The following PTPRR variants were observed in gnomAD, a reference collection of about 807,000 sequenced individuals.
PTPRR encodes protein tyrosine phosphatase receptor type R, also known as receptor-type tyrosine-protein phosphatase R.
Under a neutral mutation model 77.2 loss-of-function variants are expected in PTPRR, and 38 were observed. The ratio of observed to expected loss-of-function variants is 0.49; its 90% CI spans 0.38 to 0.65. PTPRR has a LOEUF of 0.65. Among genes scored for constraint, PTPRR ranks in the 30% least tolerant of loss-of-function variants. The probability of loss-of-function intolerance (pLI) is 0.00; values close to 1 mark genes in which losing one functional copy is unlikely to be tolerated. For synonymous variants in PTPRR, 299 were observed against 283.1 expected (o/e 1.06, Z -0.57); for missense variants, 744 against 799.2 (o/e 0.93, Z 0.83).
chr12:70,690,476 A>T (rs1888017695), intron 8 of PTPRR, among the ~76,000 whole-genome samples: 1 of 152,180 alleles, frequency 6.6e-6, no homozygotes, highest in South Asian at 2.1e-4. Context: ...CGTTTTAGCA[A>T]CATAACAAAA....
intron 2 of PTPRR, among the ~76,000 whole-genome samples, chr12:70,813,451 A>G (rs1314919205): frequency 6.6e-6 from 1 of 152,198 alleles, no homozygotes; most frequent in Admixed American, 6.5e-5. Flanking sequence ...TCATATATTC[A>G]TCTCCTTTGA....
rs572849741 is a variant in PTPRR at position 70,651,181 on chromosome 12, G to A, written c.1880+5523C>T. On this transcript the variant is annotated intron_variant, in intron 13 of 13. Coordinates refer to ENST00000283228, the MANE Select transcript of PTPRR (RefSeq NM_002849.4). ...ACCTCGCCATGGCGTGTCCAGCATC[G>A]GAAGCCCTCTTCAATTTCCCTTCAC... Among the ~76,000 whole-genome samples the A allele has an allele frequency of 1.5e-4, 23 of 152,214 alleles. No individual in the cohort carries two copies. The South Asian group carries it at 3.7e-3, about 25-fold the overall frequency.
intron 2 of PTPRR, among the ~76,000 whole-genome samples, chr12:70,866,768 A>T (rs1308337887): frequency 6.6e-6 from 1 of 152,208 alleles, no homozygotes; most frequent in African/African-American, 2.4e-5. Context: ...ATGAACATTG[A>T]TGCAAAAATC....
chr12:70,789,311 T>A (rs1891384558), intron 2 of PTPRR, among the ~76,000 whole-genome samples: 1 of 152,078 alleles, frequency 6.6e-6, no homozygotes, highest in South Asian at 2.1e-4. Context: ...AGTTTCATAA[T>A]AAACATAAAT....
At chr12:70,676,631 A>G (rs1887457333) in intron 10 of PTPRR, among the ~76,000 whole-genome samples, 2 of 152,090 alleles carry the variant, frequency 1.3e-5, no homozygotes, top group Non-Finnish European at 2.9e-5. Context: ...CAGTGCATGT[A>G]TATATGGGTT....
chr12:70,694,089 G>C (rs1888146295), intron 8 of PTPRR, among the ~76,000 whole-genome samples: 2 of 151,914 alleles, frequency 1.3e-5, no homozygotes, highest in Admixed American at 6.6e-5. Context: ...TTTTTGTTGG[G>C]GTAGGAAATC....
chr12:70,678,999 T>C (rs1032019330), intron 10 of PTPRR, among the ~76,000 whole-genome samples: 22 of 152,178 alleles, frequency 1.4e-4, no homozygotes, highest in African/African-American at 4.6e-4. Flanking sequence ...GTTTTTCTAG[T>C]TCCTTGAGGT....
intron 1 of PTPRR, among the ~76,000 whole-genome samples, chr12:70,918,121 A>C (rs1369631460): frequency 1.3e-5 from 2 of 152,204 alleles, no homozygotes; most frequent in Non-Finnish European, 2.9e-5. Context: ...AAATGTATAG[A>C]AGCTTAGACC....
At chr12:70,692,267 C>G (rs968519079) in intron 8 of PTPRR, among the ~76,000 whole-genome samples, 1 of 152,074 alleles carries the variant, frequency 6.6e-6, no homozygotes, top group Non-Finnish European at 1.5e-5. Flanking sequence ...TATTTATATA[C>G]TTATTGATAA....
chr12:70,863,277 A>C (rs963918108), intron 2 of PTPRR, among the ~76,000 whole-genome samples: 1 of 152,290 alleles, frequency 6.6e-6, no homozygotes, highest in Admixed American at 6.5e-5. Flanking sequence ...AAAATTAATT[A>C]TCTCCCTAAT....
intron 10 of PTPRR, among the ~76,000 whole-genome samples, chr12:70,674,289 T>C (rs1432945854): frequency 6.6e-6 from 1 of 152,138 alleles, no homozygotes; most frequent in East Asian, 1.9e-4. Flanking sequence ...CATTATTCCT[T>C]CCTTTTTTCT....
intron 6 of PTPRR, among the ~76,000 whole-genome samples, chr12:70,743,086 G>C (rs1385137243): frequency 6.6e-6 from 1 of 152,198 alleles, no homozygotes; most frequent in South Asian, 2.1e-4. Context: ...AAGATAAGAA[G>C]TGGCCATGGT....
intron 1 of PTPRR, among the ~76,000 whole-genome samples, chr12:70,919,774 C>T (rs547825653): frequency 6.8e-6 from 1 of 147,120 alleles, no homozygotes; most frequent in Admixed American, 7.1e-5. Context: ...CCTTTTCTTC[C>T]TCTTATTGGC....
intron 2 of PTPRR, among the ~76,000 whole-genome samples, chr12:70,781,769 G>A (rs1197323692): frequency 1.3e-5 from 2 of 152,080 alleles, no homozygotes; most frequent in Non-Finnish European, 2.9e-5. Context: ...GGTAAACAGA[G>A]AGAATTCATT....
At chr12:70,655,814 A>G (rs1270875220) in intron 13 of PTPRR, among the ~76,000 whole-genome samples, 4 of 152,230 alleles carry the variant, frequency 2.6e-5, no homozygotes, top group East Asian at 1.9e-4. Flanking sequence ...TGGTTGTACA[A>G]CAATGTGAAT....
intron 8 of PTPRR, 53 bp from the exon 9 acceptor site, chr12:70,684,836 T>A (rs1034057554): frequency 9.5e-6 from 12 of 1,269,076 alleles, no homozygotes; most frequent in Non-Finnish European, 1.2e-5. Context: ...CTTTTTAAAG[T>A]TCCTTAGAAT....
Position 70,754,561 on chromosome 12 carries a change from C to T in PTPRR, c.628-260G>A, listed in dbSNP as rs10506605. 6,492 of 1,596,238 alleles carry T rather than the reference C, an allele frequency of 4.1e-3. 215 individuals carry two copies. In the African/African-American group the frequency reaches 0.075, roughly 18 times the overall value. ...CAGGTCCCAGGCTTTCTAAACATCC[C>T]TCAGCGTCTCTCTTGGAAACTACCT... On this transcript the variant is annotated intron_variant, in intron 4 of 13. Transcript: ENST00000283228.
At chr12:70,846,439 T>C (rs1252026357) in intron 2 of PTPRR, among the ~76,000 whole-genome samples, 1 of 152,122 alleles carries the variant, frequency 6.6e-6, no homozygotes, top group African/African-American at 2.4e-5. Flanking sequence ...GACTCACTTG[T>C]TTATTTTAAG....
intron 2 of PTPRR, among the ~76,000 whole-genome samples, chr12:70,806,552 C>T (rs193113797): frequency 5.6e-4 from 85 of 152,162 alleles, no homozygotes; most frequent in African/African-American, 1.3e-3. Flanking sequence ...AATAAAGGTC[C>T]CCTATGAATG....
Sources: gnomAD v4.1 joint callset for allele counts (sites outside exome capture counted in the v4.1 genomes callset) on GRCh38, gnomAD v4.1.1 for gene constraint, MANE v1.5 for transcripts, NCBI Gene and HGNC (gene_info 2026-07-23, HGNC 2026-07-21) for gene names.